IARS1: variants seen among roughly 807,000 people sequenced by gnomAD.
IARS1 encodes the protein isoleucine--tRNA ligase, cytoplasmic.
Under a neutral mutation model 168.2 loss-of-function variants are expected in IARS1, and 124 were observed. The ratio of observed to expected loss-of-function variants is 0.74; its 90% CI spans 0.64 to 0.86. The LOEUF (loss-of-function observed/expected upper bound fraction) is 0.86, where lower values mean the gene tolerates loss of function less well. Among genes scored for constraint, IARS1 ranks in the 40% least tolerant of loss-of-function variants. The pLI, the probability that IARS1 is intolerant of heterozygous loss-of-function variation, is 0.00. For synonymous variants in IARS1, 532 were observed against 529.4 expected (o/e 1.00, Z -0.07); for missense variants, 1,452 against 1,515.8 (o/e 0.96, Z 0.70).
intron 20 of IARS1, 52 bp from the exon 21 acceptor site, chr9:92,253,505 G>T (rs1331149796): frequency 8.6e-7 from 1 of 1,156,236 alleles, no homozygotes; most frequent in Admixed American, 1.7e-5. Flanking sequence ...AGGCATCTGG[G>T]GTGGGGAGAG....
chr9:92,220,767 A>G (rs944234799), intron 33 of IARS1, among the ~76,000 whole-genome samples: 11 of 152,188 alleles, frequency 7.2e-5, no homozygotes, highest in South Asian at 2.1e-4. Context: ...GGAGTTCAAG[A>G]CCAGCCTTGA....
rs1829342404 is a variant in IARS1 at position 92,247,262 on chromosome 9, GGGACACGACA to G, written c.2791+105_2791+114del. The G allele has an allele frequency of 9.2e-6, 8 of 867,430 alleles. No homozygotes were observed. In the South Asian group the frequency reaches 1.2e-4, roughly 13 times the overall value. The allele number at this position is 867,430 out of a possible 1,614,324, so 53.7% of individuals were successfully genotyped here. A position where few individuals can be genotyped will look rare whatever the true frequency, so the allele number is the denominator to read the frequency against. The stretch of plus-strand genomic sequence containing the variant: ...AGGAAAGGAAAGGACAGGACACGAC[GGGACACGACA>G]GGACAGGAAAGGAAAGGATGTGATA... On this transcript the variant is annotated intron_variant, in intron 26 of 33. Coordinates refer to ENST00000443024, the MANE Select transcript of IARS1 (RefSeq NM_002161.6).
chr9:92,282,036 C>T (rs1197572013), intron 6 of IARS1, among the ~76,000 whole-genome samples: 1 of 152,228 alleles, frequency 6.6e-6, no homozygotes. Context: ...ATAAGATCTA[C>T]ACATGAGGTA....
intron 7 of IARS1, among the ~76,000 whole-genome samples, chr9:92,280,006 T>A (rs1042305058): frequency 1.3e-5 from 2 of 152,244 alleles, no homozygotes; most frequent in Admixed American, 1.3e-4. Context: ...TATTCCACTG[T>A]ACGTAAATAC....
intron 6 of IARS1, 130 bp downstream of exon 6, chr9:92,285,592 T>TG (rs1835315035): frequency 1.7e-6 from 1 of 605,966 alleles, no homozygotes; most frequent in South Asian, 2.2e-5. Context: ...CAGTAAGAAG[T>TG]GGTCAAAGTG....
chr9:92,237,382 T>A (rs1371060970), intron 30 of IARS1, among the ~76,000 whole-genome samples: 1 of 152,190 alleles, frequency 6.6e-6, no homozygotes, highest in Non-Finnish European at 1.5e-5. Flanking sequence ...GATTCTACTG[T>A]GGTCAGAGAG....
Position 92,247,595 on chromosome 9 carries a change from C to T in IARS1, c.2617-44G>A, listed in dbSNP as rs1348978747. On this transcript the variant is annotated intron_variant, in intron 25 of 33. Coordinates refer to ENST00000443024, the MANE Select transcript of IARS1 (RefSeq NM_002161.6). ...AGGAAACAAAAATGAGAAATGAAAA[C>T]ATATGTTCACACAAAAATGTAGGTC... The T allele has an allele frequency of 3.9e-6, 6 of 1,556,252 alleles. No individual in the cohort carries two copies. In the African/African-American group the frequency reaches 6.8e-5, roughly 18 times the overall value.
rs778240206 is a variant in IARS1 at position 92,274,529 on chromosome 9, G to A, written c.895-8C>T. The A allele has an allele frequency of 1.9e-6, 3 of 1,602,568 alleles. No homozygotes were observed. The highest frequency in any genetic ancestry group is 1.1e-5 in the South Asian group (1 of 90,860). Reference sequence around the variant, plus strand: ...AGCGCCATTCTCTTTACACTGGAAAGAAAGGACAGCAGGCTTCAGGGATGA... The same window carrying A: ...AGCGCCATTCTCTTTACACTGGAAAAAAAGGACAGCAGGCTTCAGGGATGA... On this transcript the variant is annotated splice_polypyrimidine_tract_variant and splice_region_variant and intron_variant, in intron 9 of 33. Transcript: ENST00000443024.
In IARS1 at chr9:92,258,941, C is replaced by T. The variant is rs897842491; in HGVS notation, c.1929G>A (p.Glu643=). 2 of 1,613,866 alleles carry T rather than the reference C, an allele frequency of 1.2e-6. No individual in the cohort carries two copies. Among genetic ancestry groups the T allele is most frequent in the East Asian group, 2.2e-5 (1 of 44,898 alleles). ...VRAENLRFKE[E]GVRDVLKDVL... ...CATCCTTAAGGACGTCCCGCACACC[C>T]TCTTCTTTAAAGCGGAGGTTTTCTG... Residue 643 remains glutamate (E), a synonymous_variant, in exon 19 of 34, where the codon GAG becomes GAA. Transcript: ENST00000443024.
intron 33 of IARS1, among the ~76,000 whole-genome samples, chr9:92,212,292 A>C (rs1174101432): frequency 6.6e-6 from 1 of 152,230 alleles, no homozygotes; most frequent in East Asian, 1.9e-4. Context: ...GAAAAGGCAT[A>C]ATGAAAACGA....
chr9:92,229,591 G>A (rs2133478052), intron 30 of IARS1, among the ~76,000 whole-genome samples: 1 of 152,176 alleles, frequency 6.6e-6, no homozygotes, highest in South Asian at 2.1e-4. Context: ...GACCCCTGAT[G>A]TTGATTTATT....
In IARS1 at chr9:92,225,649, T is replaced by A. The variant is rs147738515; in HGVS notation, c.3410-2160A>T. ...TGATTTAAAGAGCCATGTATAGATG[T>A]CAAGATCACAATGGGGTGAACTATG... is the stretch of plus-strand genomic sequence containing the variant. On this transcript the variant is annotated intron_variant, in intron 31 of 33. Coordinates refer to ENST00000443024, the MANE Select transcript of IARS1 (RefSeq NM_002161.6). Among the ~76,000 whole-genome samples, 24 of 152,026 alleles carry A rather than the reference T, an allele frequency of 1.6e-4. No homozygotes were observed. The East Asian group carries it at 4.2e-3, about 27-fold the overall frequency.
intron 30 of IARS1, among the ~76,000 whole-genome samples, chr9:92,233,371 C>G (rs546004652): frequency 2.0e-4 from 30 of 152,280 alleles, no homozygotes; most frequent in African/African-American, 7.2e-4. Flanking sequence ...TGTCATCCAA[C>G]GATAGTTAAT....
rs1214719050 is a variant in IARS1 at position 92,265,097 on chromosome 9, C to T, written c.1532G>A (p.Arg511His). 6 of 1,613,610 alleles carry T rather than the reference C, an allele frequency of 3.7e-6. No individual in the cohort carries two copies. The highest frequency in any genetic ancestry group is 2.2e-5 in the East Asian group (1 of 44,868). ...ESVDHLTIPS[R>H]CGKGSLHRIS... ...GCGGTGCAAGGATCCCTTCCCACAG[C>T]GTGAAGGAATGGTCAGGTGGTCAAC... Residue 511 changes from arginine to histidine, a missense_variant, in exon 16 of 34, where the codon CGC becomes CAC. By Grantham distance (29) the Arg-to-His change is conservative. Transcript: ENST00000443024.
chr9:92,272,909 C>T (rs903606702), intron 10 of IARS1, among the ~76,000 whole-genome samples: 3 of 148,774 alleles, frequency 2.0e-5, no homozygotes, highest in Non-Finnish European at 3.0e-5. Context: ...GTGTTAAAAG[C>T]TATAGTTTAA....
chr9:92,271,422 G>T, intron 11 of IARS1, 111 bp downstream of exon 11: 2 of 1,395,588 alleles, frequency 1.4e-6, no homozygotes, highest in South Asian at 1.2e-5. Flanking sequence ...TTCATGCGAT[G>T]ACAAAACCAA....
At chr9:92,276,933 TG>T (rs1833856343) in intron 9 of IARS1, among the ~76,000 whole-genome samples, 1 of 152,228 alleles carries the variant, frequency 6.6e-6, no homozygotes, top group Non-Finnish European at 1.5e-5. Context: ...AGGTGCTAAA[TG>T]TATGAGCTCT....
intron 16 of IARS1, among the ~76,000 whole-genome samples, chr9:92,264,487 A>T (rs1490125099): frequency 2.0e-5 from 3 of 152,182 alleles, no homozygotes; most frequent in African/African-American, 7.2e-5. Context: ...TATATTTTTT[A>T]AAAATCTGGA....
intron 1 of IARS1, among the ~76,000 whole-genome samples, 174 bp from the exon 2 acceptor site, chr9:92,289,600 G>A (rs1453036141): frequency 2.6e-5 from 4 of 152,090 alleles, no homozygotes. Context: ...TGGCTTTTTA[G>A]TATATTTACA....
Sources: gnomAD v4.1 joint callset for allele counts (sites outside exome capture counted in the v4.1 genomes callset) on GRCh38, gnomAD v4.1.1 for gene constraint, MANE v1.5 for transcripts, NCBI Gene and HGNC (gene_info 2026-07-23, HGNC 2026-07-21) for gene names.